Variants in EPHA5 observed in about 807,000 individuals in gnomAD.
EPHA5 encodes the protein ephrin type-A receptor 5.
EPHA5 carries 60 observed loss-of-function variants against 105.0 expected under a neutral mutation model. The observed-to-expected ratio is 0.57, with a 90% CI of 0.46 to 0.71. EPHA5 has a LOEUF of 0.71. EPHA5 is among the 30% of genes least tolerant of loss of function. The pLI, the probability that EPHA5 is intolerant of heterozygous loss-of-function variation, is 0.00. For synonymous variants in EPHA5, 513 were observed against 449.1 expected, an observed-to-expected ratio of 1.14 and a Z score of -1.80; for missense variants, 1,218 against 1,274.7, an observed-to-expected ratio of 0.96 and a Z score of 0.68.
At chr4:65,441,155 A>G (rs967499082) in intron 5 of EPHA5, among the ~76,000 whole-genome samples, 11 of 152,110 alleles carry the variant, frequency 7.2e-5, no homozygotes, top group Admixed American at 2.6e-4. Context: ...TCTTTAATAT[A>G]CTATATTAAA....
intron 3 of EPHA5, among the ~76,000 whole-genome samples, chr4:65,511,290 A>G (rs1167454843): frequency 6.6e-6 from 1 of 152,210 alleles, no homozygotes; most frequent in Non-Finnish European, 1.5e-5. Flanking sequence ...TCTTTAAAAA[A>G]TTATCTTTAT....
intron 11 of EPHA5, among the ~76,000 whole-genome samples, chr4:65,362,967 T>C (rs1415845685): frequency 6.6e-6 from 1 of 151,642 alleles, no homozygotes; most frequent in East Asian, 1.9e-4. Flanking sequence ...CTTCAAAAAT[T>C]GTCATGTACG....
intron 3 of EPHA5, among the ~76,000 whole-genome samples, chr4:65,522,142 C>T (rs1477437162): frequency 6.6e-6 from 1 of 151,688 alleles, no homozygotes; most frequent in South Asian, 2.1e-4. Context: ...AAGGTCTGTC[C>T]TGTCATGGCC....
chr4:65,528,728 T>G (rs956478029), intron 3 of EPHA5, among the ~76,000 whole-genome samples: 1 of 152,190 alleles, frequency 6.6e-6, no homozygotes, highest in African/African-American at 2.4e-5. Flanking sequence ...CTGCTCACAT[T>G]CTGCCATTCC....
chr4:65,533,585 G>C (rs11931105), intron 3 of EPHA5, among the ~76,000 whole-genome samples: 132,829 of 152,222 alleles, frequency 0.87, 58,089 homozygotes, highest in Admixed American at 0.9. Context: ...TGAATATCAA[G>C]TTTAAAATTA....
chr4:65,344,415 A>G (rs1473983556), intron 14 of EPHA5, among the ~76,000 whole-genome samples: 4 of 152,200 alleles, frequency 2.6e-5, no homozygotes, highest in Non-Finnish European at 4.4e-5. Context: ...GCACTGGTGT[A>G]TAATTGTGTC....
Position 65,514,686 on chromosome 4 carries a change from C to G in EPHA5, c.911-19143G>C, listed in dbSNP as rs944123115. On this transcript the variant is annotated intron_variant, in intron 3 of 16. Transcript: ENST00000613740. ...ACTGCATTTTTAAAGGTTTGTTATA[C>G]AGCAATAATAACAGAACACTCCCAT... is the stretch of plus-strand genomic sequence containing the variant. 2.6e-5 allele frequency among the ~76,000 whole-genome samples: 4 copies of G among 152,132 alleles called. No individual in the cohort carries two copies. The East Asian group carries it at 5.8e-4, about 22-fold the overall frequency.
intron 15 of EPHA5, among the ~76,000 whole-genome samples, chr4:65,335,673 C>T (rs1721104477): frequency 1.3e-5 from 2 of 151,614 alleles, no homozygotes. Context: ...TTTATGCTAC[C>T]TGAATGTGGC....
chr4:65,417,347 T>A (rs1358701238), intron 6 of EPHA5, among the ~76,000 whole-genome samples: 1 of 152,210 alleles, frequency 6.6e-6, no homozygotes, highest in Non-Finnish European at 1.5e-5. Context: ...TCAGGACCCC[T>A]AACTCAATAC....
chr4:65,376,291 G>A (rs1251450130), intron 8 of EPHA5, among the ~76,000 whole-genome samples: 1 of 152,002 alleles, frequency 6.6e-6, no homozygotes, highest in Non-Finnish European at 1.5e-5. Flanking sequence ...ATTATCTGGA[G>A]TATTTCACTT....
intron 11 of EPHA5, among the ~76,000 whole-genome samples, chr4:65,359,217 A>G (rs1478574381): frequency 1.3e-5 from 2 of 151,608 alleles, no homozygotes; most frequent in African/African-American, 4.8e-5. Context: ...TGTATTTATT[A>G]AAAACCTGTA....
At chr4:65,553,877 C>T (rs1738153422) in intron 3 of EPHA5, among the ~76,000 whole-genome samples, 1 of 151,972 alleles carries the variant, frequency 6.6e-6, no homozygotes, top group African/African-American at 2.4e-5. Context: ...TGGCAATGAG[C>T]CGCATCCTAA....
intron 3 of EPHA5, among the ~76,000 whole-genome samples, chr4:65,571,334 A>G (rs1424447706): frequency 4.7e-5 from 7 of 149,638 alleles, no homozygotes; most frequent in Non-Finnish European, 1.0e-4. Context: ...AAAAAAAAAA[A>G]CAGATCAAAA....
intron 3 of EPHA5, among the ~76,000 whole-genome samples, chr4:65,570,591 T>C (rs1468610568): frequency 6.6e-6 from 1 of 151,832 alleles, no homozygotes; most frequent in African/African-American, 2.4e-5. Context: ...TTTGTTACTC[T>C]AGGATAAAAA....
At chr4:65,389,972 A>G (rs1009873510) in intron 8 of EPHA5, among the ~76,000 whole-genome samples, 8 of 151,780 alleles carry the variant, frequency 5.3e-5, no homozygotes, top group African/African-American at 1.7e-4. Flanking sequence ...GTAAGGGGGA[A>G]AAAAAAACTA....
At chr4:65,630,767 A>G (rs1746556862) in intron 2 of EPHA5, among the ~76,000 whole-genome samples, 1 of 152,184 alleles carries the variant, frequency 6.6e-6, no homozygotes, top group East Asian at 1.9e-4. Flanking sequence ...CAGAAGCAGG[A>G]ACCAGAGAGA....
intron 3 of EPHA5, among the ~76,000 whole-genome samples, chr4:65,562,817 T>G (rs759572852): frequency 2.6e-5 from 4 of 151,940 alleles, no homozygotes; most frequent in Non-Finnish European, 2.9e-5. Context: ...TTTAAAAAAA[T>G]TAGCCAGGTG....
intron 2 of EPHA5, among the ~76,000 whole-genome samples, chr4:65,638,696 GC>G (rs1291542053): frequency 7.9e-5 from 12 of 152,160 alleles, no homozygotes; most frequent in African/African-American, 2.9e-4. Context: ...TTGAGATCGT[GC>G]CATTGCATTC....
At chr4:65,396,773 C>T (rs1269217002) in intron 8 of EPHA5, among the ~76,000 whole-genome samples, 1 of 152,152 alleles carries the variant, frequency 6.6e-6, no homozygotes, top group Non-Finnish European at 1.5e-5. Flanking sequence ...AGTTGAGGGA[C>T]AACTGATCCT....
Sources: allele counts gnomAD v4.1 joint callset (sites outside exome capture counted in the v4.1 genomes callset), GRCh38; gene constraint gnomAD v4.1.1; transcripts MANE v1.5; gene names NCBI Gene and HGNC (gene_info 2026-07-23, HGNC 2026-07-21).